The following PTPRF variants were observed in gnomAD, a reference collection of about 807,000 sequenced individuals.
PTPRF encodes receptor-type tyrosine-protein phosphatase F.
A neutral mutation model predicts 201.8 loss-of-function variants in PTPRF; 59 were observed. That is an observed-to-expected ratio of 0.29 (90% CI 0.24 to 0.36). The LOEUF (loss-of-function observed/expected upper bound fraction) is 0.36, where lower values mean the gene tolerates loss of function less well. Ranked by LOEUF, PTPRF falls within the 10% of genes least tolerant of loss-of-function variation. The pLI is 1.00. For synonymous variants in PTPRF, 1,088 were observed against 1,089.7 expected, an observed-to-expected ratio of 1.00 and a Z score of 0.03; for missense variants, 2,132 against 2,690.5, an observed-to-expected ratio of 0.79 and a Z score of 4.59.
Position 43,569,665 on chromosome 1 carries a change from C to T in PTPRF, c.455C>T (p.Ala152Val). Residue 152 changes from alanine (A) to valine (V), a missense_variant, in exon 6 of 34, where the codon GCC (alanine) becomes GTC (valine). By Grantham distance (64) the Ala-to-Val change is moderately conservative. This residue lies in a region of PTPRF where 297 missense variants were observed against 454.0 expected (regional missense o/e 0.65). Transcript: ENST00000359947. ...AAGGTGGTGGAGAAGGCACGCACAG[C>T]CACCATGCTATGTGCCGCAGGCGGA... The part of the protein sequence containing the change: ...QLKVVEKART[A>V]TMLCAAGGNP... 1 of 1,614,046 alleles carries T rather than the reference C, an allele frequency of 6.2e-7. No individual in the cohort carries two copies. Among genetic ancestry groups the T allele is most frequent in the Non-Finnish European group, 8.5e-7 (1 of 1,179,908 alleles).
At chr1:43,580,736 G>A (rs990586059) in intron 7 of PTPRF, among the ~76,000 whole-genome samples, 2 of 152,336 alleles carry the variant, frequency 1.3e-5, no homozygotes, top group Non-Finnish European at 1.5e-5. Flanking sequence ...CCTGACTATC[G>A]CAAATGCTGT....
intron 1 of PTPRF, among the ~76,000 whole-genome samples, chr1:43,533,910 A>T (rs1643862693): frequency 6.6e-6 from 1 of 152,164 alleles, no homozygotes; most frequent in Admixed American, 6.5e-5. Context: ...TTCCTTTGGG[A>T]CTAACAGCTA....
At chr1:43,618,266 A>G (rs930108519) in intron 25 of PTPRF, among the ~76,000 whole-genome samples, 2 of 152,148 alleles carry the variant, frequency 1.3e-5, no homozygotes, top group African/African-American at 4.8e-5. Context: ...TAATTAGTGG[A>G]AAGAGCTGCT....
intron 11 of PTPRF, among the ~76,000 whole-genome samples, chr1:43,596,405 G>A (rs1652274783): frequency 6.6e-6 from 1 of 152,116 alleles, no homozygotes; most frequent in East Asian, 1.9e-4. Flanking sequence ...CCCATGGCAG[G>A]GGGTGGTGAC....
chr1:43,607,435 T>C (rs950578139), intron 21 of PTPRF, among the ~76,000 whole-genome samples: 2 of 152,184 alleles, frequency 1.3e-5, no homozygotes, highest in East Asian at 3.9e-4. Flanking sequence ...CTAACAGACA[T>C]GACTGATGGC....
intron 26 of PTPRF, 96 bp downstream of exon 26, chr1:43,618,845 G>C: frequency 6.5e-7 from 1 of 1,528,982 alleles, no homozygotes; most frequent in East Asian, 2.3e-5. Flanking sequence ...TGGAGCCTGG[G>C]TGTTGGAGGG....
chr1:43,603,291 C>A lies in PTPRF; in HGVS notation c.2341-125C>A. The A allele has an allele frequency of 1.2e-6, 1 of 823,292 alleles. No individual in the cohort carries two copies. Among genetic ancestry groups the A allele is most frequent in the Non-Finnish European group, 2.0e-6 (1 of 494,150 alleles). 51.0% of individuals were successfully genotyped at this position (823,292 alleles called of 1,614,324 possible). ...CAGAGGCCACCATTGTATAGCCCCA[C>A]CTTCCACAACCCCTGGCCTTGTGTG... On this transcript the variant is annotated intron_variant, in intron 14 of 33. Coordinates refer to ENST00000359947, the MANE Select transcript of PTPRF (RefSeq NM_002840.5). This position sits in a 1 kb window ranked among gnomAD's most constrained non-coding sequence, Gnocchi z 5.8.
At position 43,536,918 on chromosome 1, in the gene PTPRF, G is replaced by A. The variant is rs558189046; in HGVS notation, c.-125-1280G>A. Among the ~76,000 whole-genome samples, 17 of 152,338 alleles carry A rather than the reference G, an allele frequency of 1.1e-4. No individual in the cohort carries two copies. The South Asian group carries it at 3.3e-3, about 30-fold the overall frequency. On this transcript the variant is annotated intron_variant, in intron 1 of 33. Transcript: ENST00000359947. Reference sequence around the variant, plus strand: ...TTGGCAGAGGTGGTTAGTGCAACTTGAGGGTAATTCCCAGGTGCAGAGGTG... The same window carrying A: ...TTGGCAGAGGTGGTTAGTGCAACTTAAGGGTAATTCCCAGGTGCAGAGGTG...
chr1:43,530,531 T>C (rs969176127), upstream of PTPRF, among the ~76,000 whole-genome samples: 6 of 152,192 alleles, frequency 3.9e-5, no homozygotes, highest in Admixed American at 2.0e-4. The surrounding 1 kb of genome is among the most constrained non-coding windows in gnomAD (Gnocchi z 4.1). Flanking sequence ...GGACTCAATA[T>C]TGGGTTTAGG....
At position 43,603,683 on chromosome 1, in the gene PTPRF, A is replaced by G. The variant is rs761748789; in HGVS notation, c.2531A>G (p.Lys844Arg). ...NTALLQWHPP[K>R]ELPGELLGYR... Reference sequence around the variant, plus strand: ...GCGCTGCTCCAGTGGCACCCACCCAAGGAACTGCCTGGCGAGCTGCTGGGC... The same window carrying G: ...GCGCTGCTCCAGTGGCACCCACCCAGGGAACTGCCTGGCGAGCTGCTGGGC... Residue 844 changes from lysine (K) to arginine (R), a missense_variant, in exon 16 of 34, where the codon AAG becomes AGG. Physicochemically the swap from Lys to Arg is conservative, Grantham distance 26 (BLOSUM62 2). Coordinates refer to ENST00000359947, the MANE Select transcript of PTPRF (RefSeq NM_002840.5). The surrounding 1 kb of genome is among the most constrained non-coding windows in gnomAD (Gnocchi z 5.8). 7 of 1,613,714 alleles carry G rather than the reference A, an allele frequency of 4.3e-6. No homozygotes were observed. Among genetic ancestry groups the G allele is most frequent in the Admixed American group, 3.3e-5 (2 of 60,014 alleles).
In PTPRF at chr1:43,592,720, C is replaced by T. The variant is rs72889072; in HGVS notation, c.1813+119C>T. 6.4e-4 allele frequency: 789 copies of T among 1,225,970 alleles called. 7 individuals are homozygous for T. In the African/African-American group the frequency reaches 0.011, roughly 18 times the overall value. 75.9% of individuals were successfully genotyped at this position (1,225,970 alleles called of 1,614,324 possible). The stretch of plus-strand genomic sequence containing the variant: ...GGGTGGTCAGGTCTGCTGGCCAAAC[C>T]GAACTCTGGCCTGGGCTCTGAGTCT... On this transcript the variant is annotated intron_variant, in intron 11 of 33. Coordinates refer to ENST00000359947, the MANE Select transcript of PTPRF (RefSeq NM_002840.5).
chr1:43,589,384 G>A (rs1650019847), intron 8 of PTPRF, among the ~76,000 whole-genome samples: 1 of 151,770 alleles, frequency 6.6e-6, no homozygotes, highest in South Asian at 2.1e-4. Flanking sequence ...ACAGAGCAGG[G>A]ACTTAAACCC....
Position 43,592,463 on chromosome 1 carries a change from G to A in PTPRF, c.1675G>A (p.Val559Met). 2 of 1,608,492 alleles carry A rather than the reference G, an allele frequency of 1.2e-6. No homozygotes were observed. The highest frequency in any genetic ancestry group is 1.7e-6 in the Non-Finnish European group (2 of 1,177,314). ...TGCTCCCTGCTCTTCCCAGCACAAG[G>A]TGACCTTCGACCCAACCTCCTCCTA... is the stretch of plus-strand genomic sequence containing the variant. ...AAEDEDQQHK[V>M]TFDPTSSYTL... Residue 559 changes from valine to methionine, a missense_variant, in exon 11 of 34, where the codon GTG becomes ATG. Physicochemically the swap from Val to Met is conservative, Grantham distance 21. Around this residue, in one of 6 missense-constraint regions of PTPRF, gnomAD observed 351 missense variants for 401.7 expected, o/e 0.87. Transcript: ENST00000359947.
intron 23 of PTPRF, among the ~76,000 whole-genome samples, chr1:43,617,025 C>T (rs1658031431): frequency 6.6e-6 from 1 of 152,060 alleles, no homozygotes; most frequent in Admixed American, 6.6e-5. Flanking sequence ...CCATCCCTTC[C>T]ATCTGTCCTG....
chr1:43,604,204 C>T lies in PTPRF; in HGVS notation c.3037+15C>T, dbSNP rs1415696130. The T allele has an allele frequency of 1.9e-6, 3 of 1,608,216 alleles. No individual in the cohort carries two copies. Among genetic ancestry groups the T allele is most frequent in the Admixed American group, 1.7e-5 (1 of 59,848 alleles). ...GGTGGAGCAAGGTGTGTGCTGTGGA[C>T]ATGGCATCCCTTCCCGAGTGTGGCT... is the stretch of plus-strand genomic sequence containing the variant. On this transcript the variant is annotated intron_variant, in intron 16 of 33. Transcript: ENST00000359947.
chr1:43,607,706 C>T (rs114553285), intron 21 of PTPRF, among the ~76,000 whole-genome samples: 3 of 152,378 alleles, frequency 2.0e-5, no homozygotes, highest in East Asian at 1.9e-4. Context: ...CCTGACATTG[C>T]GACACTGAAC....
intron 16 of PTPRF, among the ~76,000 whole-genome samples, 180 bp downstream of exon 16, chr1:43,604,369 CCT>C (rs1468341442): frequency 1.3e-5 from 2 of 152,190 alleles, no homozygotes; most frequent in East Asian, 3.8e-4. Flanking sequence ...TGATGCCTGA[CCT>C]CTGCTGTCCT....
At chr1:43,523,937 C>A (rs2153942292), upstream of PTPRF, among the ~76,000 whole-genome samples, 2 of 150,848 alleles carry the variant, frequency 1.3e-5, 1 homozygote, top group Middle Eastern at 6.9e-3. Flanking sequence ...GTGCCATGCA[C>A]CTGTGGTCCC....
rs1658838518 is a variant in PTPRF, at chr1:43,620,116, T to A, written c.5133T>A (p.Ala1711=). ...CCAGACAGCAGAAGGCCTACATAGC[T>A]ACACAGGGGCCTCTGGCAGAGAGCA... ...DGYRQQKAYI[A]TQGPLAESTE... The change falls in exon 30 of 34, where the codon GCT becomes GCA. Residue 1711 remains alanine, a synonymous_variant. Transcript: ENST00000359947. 3.1e-6 allele frequency: 5 copies of A among 1,613,946 alleles called. No individual in the cohort carries two copies. The highest frequency in any genetic ancestry group is 3.3e-5 in the Admixed American group (2 of 59,998).
Sources: gnomAD v4.1 joint callset for allele counts (sites outside exome capture counted in the v4.1 genomes callset) on GRCh38, gnomAD v4.1.1 for gene constraint, gnomAD v4.1.1 regional missense constraint, Gnocchi (gnomAD v3.1) non-coding constraint, MANE v1.5 for transcripts, NCBI Gene and HGNC (gene_info 2026-07-23, HGNC 2026-07-21) for gene names.